CEP63: variants seen among roughly 807,000 people sequenced by gnomAD.
The protein encoded by CEP63 is centrosomal protein of 63 kDa.
CEP63 carries 84 observed loss-of-function variants against 89.1 expected under a neutral mutation model. The ratio of observed to expected loss-of-function variants is 0.94; its 90% CI spans 0.79 to 1.13. The LOEUF is 1.13. Ranked by LOEUF, CEP63 falls within the 50% of genes most tolerant of loss-of-function variation. CEP63 has a pLI of 0.00. For missense variants in CEP63, 838 were observed against 813.3 expected (o/e 1.03, Z -0.37); for synonymous variants, 267 against 272.5 (o/e 0.98, Z 0.20).
At chr3:134,737,470 CA>C in the CEP63 span, among the ~76,000 whole-genome samples, 1 of 152,082 alleles carries the variant, frequency 6.6e-6, no homozygotes, top group Non-Finnish European at 1.5e-5. Context: ...AAAAAAAAGA[CA>C]AAAGATATAA....
At chr3:134,574,383 C>T (rs967146525) in intron 11 of CEP63, among the ~76,000 whole-genome samples, 2 of 152,128 alleles carry the variant, frequency 1.3e-5, no homozygotes, top group Non-Finnish European at 2.9e-5. Flanking sequence ...ATTTTGGATC[C>T]TTGACCTAAA....
intron 3 of CEP63, among the ~76,000 whole-genome samples, chr3:134,530,218 C>T (rs1329516000): frequency 6.6e-6 from 1 of 152,186 alleles, no homozygotes; most frequent in Admixed American, 6.5e-5. Context: ...TCCCACATTG[C>T]TTTCTGGAAA....
intron 1 of CEP63, among the ~76,000 whole-genome samples, chr3:134,493,015 A>G (rs1212856836): frequency 6.6e-6 from 1 of 151,202 alleles, no homozygotes; most frequent in Admixed American, 6.6e-5. Flanking sequence ...GTATATTATT[A>G]AATAGTCATA....
intron 11 of CEP63, 115 bp downstream of exon 11, chr3:134,550,375 T>A: frequency 2.0e-6 from 2 of 1,015,170 alleles, no homozygotes. Flanking sequence ...ATACCTGCTT[T>A]GAGCTGAGAG....
the CEP63 span, among the ~76,000 whole-genome samples, chr3:134,745,893 G>A: frequency 4.7e-5 from 7 of 149,172 alleles, no homozygotes; most frequent in Non-Finnish European, 1.0e-4. Context: ...AGTATTCCAT[G>A]GTGTATATGT....
At chr3:134,693,194 C>G in the CEP63 span, among the ~76,000 whole-genome samples, 60,121 of 151,972 alleles carry the variant, frequency 0.4, 12,389 homozygotes, top group East Asian at 0.67. Flanking sequence ...TTGGGTGGGG[C>G]TCCTAGGGAA....
intron 10 of CEP63, among the ~76,000 whole-genome samples, chr3:134,581,708 C>T (rs1436809170): frequency 3.5e-5 from 4 of 113,772 alleles, no homozygotes; most frequent in African/African-American, 1.5e-4. Context: ...CGGAGTCTCG[C>T]TCTGTTGCCC....
At chr3:134,558,006 G>A in intron 12 of CEP63, 136 bp from the exon 13 acceptor site, 1 of 726,306 alleles carries the variant, frequency 1.4e-6, no homozygotes, top group Admixed American at 2.4e-5. Context: ...GTCTTAGGAG[G>A]CCTAAAAACA....
At chr3:134,665,017 G>C in the CEP63 span, among the ~76,000 whole-genome samples, 1 of 152,182 alleles carries the variant, frequency 6.6e-6, no homozygotes, top group Admixed American at 6.5e-5. Flanking sequence ...GCAGACACTC[G>C]CATGCTCTGT....
the CEP63 span, among the ~76,000 whole-genome samples, chr3:134,739,703 GTT>G: frequency 7.0e-6 from 1 of 143,680 alleles, no homozygotes. Flanking sequence ...ATCAATGCTT[GTT>G]TTTTTTTTTT....
At chr3:134,504,188 T>C (rs1252127717) in intron 2 of CEP63, among the ~76,000 whole-genome samples, 3 of 152,102 alleles carry the variant, frequency 2.0e-5, no homozygotes, top group African/African-American at 7.2e-5. Context: ...GTGAGTCTTA[T>C]ACTTTTTGTG....
rs6790354 is a variant in CEP63 at position 134,489,377 on chromosome 3, G to T, written c.-26+3175G>T. ...TTTTGTTTTTTGGTGGGATAGTTGGGGGGGTTGGACAGATAATTTCATAGG... is the reference window on the plus strand; with the variant it reads ...TTTTGTTTTTTGGTGGGATAGTTGGTGGGGTTGGACAGATAATTTCATAGG... On this transcript the variant is annotated intron_variant, in intron 1 of 14. Transcript: ENST00000675561. 9.0e-3 allele frequency among the ~76,000 whole-genome samples: 1,366 copies of T among 152,154 alleles called. 23 individuals are homozygous for T. Among genetic ancestry groups the T allele is most frequent in the African/African-American group, 0.03 (1,235 of 41,502 alleles).
At chr3:134,588,771 A>G (rs1033769636), downstream of CEP63, among the ~76,000 whole-genome samples, 21 of 152,194 alleles carry the variant, frequency 1.4e-4, no homozygotes, top group Non-Finnish European at 7.3e-5. Flanking sequence ...AACAAAATCA[A>G]AAGTTAGTTC....
chr3:134,656,848 A>G, the CEP63 span, among the ~76,000 whole-genome samples: 1 of 152,330 alleles, frequency 6.6e-6, no homozygotes, highest in East Asian at 1.9e-4. Flanking sequence ...TGCTCTGTCA[A>G]ATTCAGGCTC....
the CEP63 span, among the ~76,000 whole-genome samples, chr3:134,741,398 G>C: frequency 6.6e-6 from 1 of 152,186 alleles, no homozygotes; most frequent in Non-Finnish European, 1.5e-5. Context: ...TAGGGGTAGA[G>C]AGTGAGGTAG....
chr3:134,665,707 A>AGG, the CEP63 span, among the ~76,000 whole-genome samples: 1 of 134,184 alleles, frequency 7.5e-6, no homozygotes, highest in Non-Finnish European at 1.7e-5. Context: ...ACACACAGAG[A>AGG]GAGAGAGAGA....
the CEP63 span, among the ~76,000 whole-genome samples, chr3:134,676,775 C>CA: frequency 6.6e-6 from 1 of 152,162 alleles, no homozygotes; most frequent in African/African-American, 2.4e-5. Context: ...TGTGAGCCAA[C>CA]ACATTCCCTG....
intron 6 of CEP63, among the ~76,000 whole-genome samples, chr3:134,541,800 A>G (rs1429737225): frequency 6.6e-6 from 1 of 152,176 alleles, no homozygotes; most frequent in Non-Finnish European, 1.5e-5. Flanking sequence ...GGTGTGAGCC[A>G]CTGCGCCTGG....
chr3:134,619,125 A>T, the CEP63 span: 1 of 1,585,914 alleles, frequency 6.3e-7, no homozygotes, highest in East Asian at 2.2e-5. Context: ...GGTGGTCAGC[A>T]TGGGGACTCC....
Sources: allele counts gnomAD v4.1 joint callset (sites outside exome capture counted in the v4.1 genomes callset), GRCh38; gene constraint gnomAD v4.1.1; transcripts MANE v1.5; gene names NCBI Gene and HGNC (gene_info 2026-07-23, HGNC 2026-07-21).